The following PHLDB1 variants were observed in gnomAD, a reference collection of about 807,000 sequenced individuals.
The protein encoded by PHLDB1 is pleckstrin homology like domain family B member 1.
PHLDB1 carries 65 observed loss-of-function variants against 139.3 expected under a neutral mutation model. The ratio of observed to expected loss-of-function variants is 0.47; its 90% confidence interval spans 0.38 to 0.57. The LOEUF is 0.57. PHLDB1 is among the 20% of genes least tolerant of loss of function. The probability of loss-of-function intolerance (pLI) is 0.00; values close to 1 mark genes in which losing one functional copy is unlikely to be tolerated. For synonymous variants in PHLDB1, 679 were observed against 734.5 expected (o/e 0.92, Z 1.22); for missense variants, 1,624 against 1,839.7 (o/e 0.88, Z 2.14).
At chr11:118,613,591 G>GA (rs1940944461) in intron 1 of PHLDB1, 1 of 647,560 alleles carries the variant, frequency 1.5e-6, no homozygotes, top group Admixed American at 3.5e-5. Context: ...TACAGTGGCA[G>GA]GGGGCAGGAC....
At chr11:118,647,675 A>G (rs1039536611) in intron 17 of PHLDB1, 5 of 375,168 alleles carry the variant, frequency 1.3e-5, no homozygotes, top group Non-Finnish European at 2.4e-5. Context: ...ATAAAAAAAA[A>G]AGTTTAAATG....
Position 118,611,097 on chromosome 11 carries a change from C to A in PHLDB1, c.-21-2719C>A, listed in dbSNP as rs1940174525. Among the ~76,000 whole-genome samples the A allele has an allele frequency of 6.6e-6, 1 of 152,124 alleles. No individual in the cohort carries two copies. The highest frequency in any genetic ancestry group is 2.4e-5 in the African/African-American group (1 of 41,446). ...GGGGCCGCAGGTGAGGGACGTCCCT[C>A]GCGTAGCGCCACTCAGCCGCCGGGG... On this transcript the variant is annotated intron_variant, in intron 1 of 22. Transcript: ENST00000600882. The surrounding 1 kb of genome is among the most constrained non-coding windows in gnomAD (Gnocchi z 4.7).
At chr11:118,616,490 G>T (rs1483720432) in intron 4 of PHLDB1, among the ~76,000 whole-genome samples, 1 of 148,804 alleles carries the variant, frequency 6.7e-6, no homozygotes, top group South Asian at 2.1e-4. Context: ...CAGAGGGCCT[G>T]GGGCATGATG....
At position 118,650,726 on chromosome 11, in the gene PHLDB1, G is replaced by GTTCA. The variant is rs1948222589; in HGVS notation, c.3874+191_3874+194dup. ...GTACCTGGTTCACCTCCATTTTTGT[G>GTTCA]TTCATTCATTCATTCCTTCATTCAG... On this transcript the variant is annotated intron_variant, in intron 20 of 22. Transcript: ENST00000600882. The surrounding 1 kb of genome is among the most constrained non-coding windows in gnomAD (Gnocchi z 4.7). The GTTCA allele has an allele frequency of 1.8e-5, 11 of 599,474 alleles. No individual in the cohort carries two copies. In the East Asian group the frequency reaches 3.0e-4, roughly 17 times the overall value. 37.1% of individuals were successfully genotyped at this position (599,474 alleles called of 1,614,324 possible). A position where few individuals can be genotyped will look rare whatever the true frequency, so the allele number is the denominator to read the frequency against.
intron 6 of PHLDB1, among the ~76,000 whole-genome samples, chr11:118,629,654 G>C (rs1555107996): frequency 6.6e-6 from 1 of 152,198 alleles, no homozygotes; most frequent in Non-Finnish European, 1.5e-5. Context: ...TTGTGTGTTT[G>C]TGTTGGATGG....
intron 4 of PHLDB1, 34 bp downstream of exon 4, chr11:118,616,245 C>T: frequency 6.2e-7 from 1 of 1,600,564 alleles, no homozygotes; most frequent in Non-Finnish European, 8.5e-7. Flanking sequence ...GAGGGGGCCT[C>T]TGTTTAAAGG....
intron 20 of PHLDB1, chr11:118,651,017 A>G (rs1450985865): frequency 5.9e-6 from 1 of 170,694 alleles, no homozygotes; most frequent in Admixed American, 5.7e-5. Flanking sequence ...AGTGCTCAGG[A>G]TAGCCCAGGA....
intron 13 of PHLDB1, chr11:118,643,529 T>C (rs1946929888): frequency 1.0e-6 from 1 of 985,266 alleles, no homozygotes; most frequent in Non-Finnish European, 1.2e-6. Flanking sequence ...CTGACTGACA[T>C]TAAATCCTTG....
In PHLDB1 at chr11:118,645,530, G is replaced by A. The variant is rs201356242; in HGVS notation, c.3296G>A (p.Arg1099Gln). Residue 1099 changes from arginine (R) to glutamine (Q), a missense_variant, in exon 16 of 23, where the codon CGG (arginine) becomes CAG (glutamine). Coordinates refer to ENST00000600882, the MANE Select transcript of PHLDB1 (RefSeq NM_001144758.3). The surrounding 1 kb of genome is among the most constrained non-coding windows in gnomAD (Gnocchi z 5.1). ...ATCCTACACCACCTGCCTGCGGGGC[G>A]GGAGCGTGGGGAGGAGGGTGAGCAC... is the stretch of plus-strand genomic sequence containing the variant. ...HSILHHLPAG[R>Q]ERGEEGEHAY... 6.8e-6 allele frequency: 11 copies of A among 1,612,854 alleles called. No homozygotes were observed. Among genetic ancestry groups the A allele is most frequent in the South Asian group, 4.4e-5 (4 of 90,864 alleles).
chr11:118,642,033 C>CT, intron 12 of PHLDB1: 2 of 642,554 alleles, frequency 3.1e-6, no homozygotes, highest in Non-Finnish European at 2.7e-6. Flanking sequence ...TTTTTCTCTT[C>CT]TTTTTCTTGA....
At chr11:118,625,550 T>C (rs562670811) in intron 5 of PHLDB1, among the ~76,000 whole-genome samples, 4 of 152,202 alleles carry the variant, frequency 2.6e-5, no homozygotes, top group Admixed American at 6.5e-5. Flanking sequence ...CAGAAGAGAA[T>C]TGGTGATTGT....
rs1479346371 is a variant in PHLDB1 at position 118,608,762 on chromosome 11, G to A, written c.-22+1063G>A. Among the ~76,000 whole-genome samples the A allele has an allele frequency of 6.6e-6, 1 of 151,224 alleles. No homozygotes were observed. Among genetic ancestry groups the A allele is most frequent in the African/African-American group, 2.4e-5 (1 of 41,070 alleles). On this transcript the variant is annotated intron_variant, in intron 1 of 22. Coordinates refer to ENST00000600882, the MANE Select transcript of PHLDB1 (RefSeq NM_001144758.3). The surrounding 1 kb of genome is among the most constrained non-coding windows in gnomAD (Gnocchi z 6.7). ...TGCGTCACGCCACCCAGACACACCC[G>A]GACCCGCCCACACGCCGAGGCCTTC...
rs972992211 is a variant in PHLDB1, at chr11:118,620,264, G to A, written c.355+4053G>A. On this transcript the variant is annotated intron_variant, in intron 4 of 22. Transcript: ENST00000600882. The surrounding 1 kb of genome is among the most constrained non-coding windows in gnomAD (Gnocchi z 4.1). ...TCCCAACACTTTGGGAGGCCGAGGC[G>A]GGCAGATCACCTGAGGTCGGGAGTT... Among the ~76,000 whole-genome samples the A allele has an allele frequency of 1.5e-4, 23 of 152,290 alleles. No individual in the cohort carries two copies. The South Asian group carries it at 4.4e-3, about 29-fold the overall frequency.
At position 118,649,272 on chromosome 11, in the gene PHLDB1, T is replaced by C. The variant is rs11822328; in HGVS notation, c.3655-805T>C. Among the ~76,000 whole-genome samples, 1,497 of 151,896 alleles carry C rather than the reference T, an allele frequency of 9.9e-3. 17 individuals carry two copies. The highest frequency in any genetic ancestry group is 0.034 in the African/African-American group (1,410 of 41,406). On this transcript the variant is annotated intron_variant, in intron 18 of 22. Coordinates refer to ENST00000600882, the MANE Select transcript of PHLDB1 (RefSeq NM_001144758.3). ...CTCCAGTCTGGATGATGGAGTGAAA[T>C]TCTGTCTCAGGAAAAAAAAAAAAGA...
intron 12 of PHLDB1, chr11:118,641,326 T>A (rs1441205593): frequency 6.1e-6 from 1 of 164,706 alleles, no homozygotes; most frequent in African/African-American, 2.4e-5. Flanking sequence ...GACAGAAGGG[T>A]CTGTGTTCGA....
intron 4 of PHLDB1, among the ~76,000 whole-genome samples, chr11:118,621,737 C>T (rs1555095228): frequency 1.3e-5 from 2 of 152,114 alleles, no homozygotes; most frequent in African/African-American, 4.8e-5. Context: ...GGCTTGGGGG[C>T]ACTTCTCAGC....
Position 118,631,393 on chromosome 11 carries a change from A to T in PHLDB1, c.2014A>T (p.Thr672Ser). 1 of 1,503,816 alleles carries T rather than the reference A, an allele frequency of 6.6e-7. No homozygotes were observed. Among genetic ancestry groups the T allele is most frequent in the Non-Finnish European group, 8.9e-7 (1 of 1,127,142 alleles). The allele number at this position is 1,503,816 out of a possible 1,614,324, so 93.2% of individuals were successfully genotyped here. A position where few individuals can be genotyped will look rare whatever the true frequency, so the allele number is the denominator to read the frequency against. Residue 672 changes from threonine to serine, a missense_variant, in exon 7 of 23, where the codon ACC becomes TCC. By Grantham distance (58) the Thr-to-Ser change is moderately conservative. Coordinates refer to ENST00000600882, the MANE Select transcript of PHLDB1 (RefSeq NM_001144758.3). ...GRSSEEPGVA[T>S]QRLWESMERS... The stretch of plus-strand genomic sequence containing the variant: ...GAGCAGCGAGGAGCCTGGCGTTGCC[A>T]CCCAACGCCTATGGGAGAGTATGGA...
chr11:118,614,452 A>C (rs1486298395), intron 2 of PHLDB1, 107 bp from the exon 3 acceptor site: 1 of 1,234,444 alleles, frequency 8.1e-7, no homozygotes, highest in East Asian at 2.4e-5. Flanking sequence ...GCACCCTCAG[A>C]GCCCTTCGGA....
Position 118,643,826 on chromosome 11 carries a change from G to A in PHLDB1, c.2904G>A (p.Glu968=). Reference sequence around the variant, plus strand: ...TTTACCGCTCCAAGATGGATGGCGAGGCCACCAGCCCCCTTCCCCGGACCC... The same window carrying A: ...TTTACCGCTCCAAGATGGATGGCGAAGCCACCAGCCCCCTTCCCCGGACCC... ...LQVYRSKMDG[E]ATSPLPRTRS... Residue 968 remains glutamate, a synonymous_variant, in exon 14 of 23, where the codon GAG becomes GAA. Coordinates refer to ENST00000600882, the MANE Select transcript of PHLDB1 (RefSeq NM_001144758.3). The A allele has an allele frequency of 6.2e-7, 1 of 1,614,094 alleles. No homozygotes were observed. The highest frequency in any genetic ancestry group is 8.5e-7 in the Non-Finnish European group (1 of 1,179,994).
Sources: gnomAD v4.1 joint callset for allele counts (sites outside exome capture counted in the v4.1 genomes callset) on GRCh38, gnomAD v4.1.1 for gene constraint, Gnocchi (gnomAD v3.1) non-coding constraint, MANE v1.5 for transcripts, NCBI Gene and HGNC (gene_info 2026-07-23, HGNC 2026-07-21) for gene names.